Variants in NEBL observed in about 807,000 individuals in gnomAD.
The protein encoded by NEBL is nebulette.
In NEBL, 122 loss-of-function variants were observed where a neutral mutation model predicts 140.2. The observed-to-expected ratio is 0.87, with a 90% CI of 0.75 to 1.01. The LOEUF is 1.01. Among genes scored for constraint, NEBL ranks in the 50% least tolerant of loss-of-function variants. The pLI, the probability that NEBL is intolerant of heterozygous loss-of-function variation, is 0.00. For synonymous variants in NEBL, 436 were observed against 398.9 expected (o/e 1.09, Z -1.11); for missense variants, 1,365 against 1,231.3 (o/e 1.11, Z -1.62).
chr10:20,994,143 G>GAAA (rs1837575114), intron 3 of NEBL, among the ~76,000 whole-genome samples: 8 of 152,316 alleles, frequency 5.3e-5, no homozygotes, highest in Non-Finnish European at 8.8e-5. Flanking sequence ...TTTCAGTTCA[G>GAAA]CCAGCTAAAT....
chr10:20,907,451 T>C (rs1156747229), intron 4 of NEBL, among the ~76,000 whole-genome samples: 1 of 152,176 alleles, frequency 6.6e-6, no homozygotes, highest in Non-Finnish European at 1.5e-5. Flanking sequence ...CATACTTATA[T>C]GACTGAATAA....
chr10:20,920,057 C>A (rs1456477332), intron 4 of NEBL, among the ~76,000 whole-genome samples: 1 of 152,114 alleles, frequency 6.6e-6, no homozygotes, highest in Non-Finnish European at 1.5e-5. Context: ...AGAGGACGCC[C>A]AAGCTTCTTA....
chr10:21,075,315 T>A (rs1475550024), intron 2 of NEBL, among the ~76,000 whole-genome samples: 1 of 152,156 alleles, frequency 6.6e-6, no homozygotes, highest in Non-Finnish European at 1.5e-5. Flanking sequence ...TTTGCTTCTT[T>A]AAAATGGCTG....
intron 4 of NEBL, among the ~76,000 whole-genome samples, chr10:20,916,802 G>T (rs1442739026): frequency 6.6e-6 from 1 of 152,152 alleles, no homozygotes; most frequent in Non-Finnish European, 1.5e-5. Context: ...AAGGCAATAG[G>T]CTATTTTATA....
chr10:20,882,591 GT>G (rs1188265216), intron 4 of NEBL, among the ~76,000 whole-genome samples: 1 of 152,150 alleles, frequency 6.6e-6, no homozygotes, highest in Non-Finnish European at 1.5e-5. Flanking sequence ...GAATAAATGA[GT>G]TTACTAAACA....
chr10:20,816,224 G>A (rs1838708119), intron 21 of NEBL, among the ~76,000 whole-genome samples: 2 of 152,154 alleles, frequency 1.3e-5, no homozygotes, highest in Non-Finnish European at 2.9e-5. Flanking sequence ...CACTGTGGAT[G>A]TACTCGAATA....
intron 2 of NEBL, among the ~76,000 whole-genome samples, chr10:21,099,912 C>G (rs943607467): frequency 1.3e-5 from 2 of 152,166 alleles, no homozygotes; most frequent in Non-Finnish European, 2.9e-5. Context: ...ACACTTATAA[C>G]TCAATAAGAA....
At chr10:21,124,332 T>A (rs1253145688) in intron 2 of NEBL, among the ~76,000 whole-genome samples, 1 of 152,222 alleles carries the variant, frequency 6.6e-6, no homozygotes, top group East Asian at 1.9e-4. Context: ...TTATGAGTTA[T>A]TAATGCAGGA....
chr10:21,029,468 A>G, intron 2 of NEBL: 3 of 1,611,660 alleles, frequency 1.9e-6, no homozygotes, highest in East Asian at 2.2e-5. Flanking sequence ...CTGAGTCTCA[A>G]TTAAGAGTCT....
At chr10:21,160,203 T>G (rs1840500638) in intron 2 of NEBL, among the ~76,000 whole-genome samples, 1 of 151,808 alleles carries the variant, frequency 6.6e-6, no homozygotes, top group Non-Finnish European at 1.5e-5. Flanking sequence ...AAAAAAAAAC[T>G]AATATGCTTT....
At chr10:21,270,251 A>G (rs929983570) in intron 1 of NEBL, among the ~76,000 whole-genome samples, 2 of 152,186 alleles carry the variant, frequency 1.3e-5, no homozygotes, top group Admixed American at 1.3e-4. Context: ...ATCGTAAACC[A>G]CAGAAGTTTC....
At chr10:21,008,769 G>A (rs1838227566) in intron 3 of NEBL, among the ~76,000 whole-genome samples, 1 of 152,080 alleles carries the variant, frequency 6.6e-6, no homozygotes, top group East Asian at 1.9e-4. Flanking sequence ...ATACACATAG[G>A]AAACAACAGT....
intron 3 of NEBL, among the ~76,000 whole-genome samples, chr10:20,969,907 C>CA (rs1446242629): frequency 6.6e-6 from 1 of 152,110 alleles, no homozygotes; most frequent in Non-Finnish European, 1.5e-5. Context: ...CTAAGACACT[C>CA]AAGTGTAGCT....
intron 2 of NEBL, among the ~76,000 whole-genome samples, chr10:21,073,999 C>T (rs1057483030): frequency 2.0e-5 from 3 of 151,294 alleles, no homozygotes; most frequent in South Asian, 2.1e-4. Flanking sequence ...GGCGTGAATC[C>T]GGGAGGTGGA....
At chr10:20,795,548 T>C (rs1836423112) in intron 26 of NEBL, among the ~76,000 whole-genome samples, 1 of 145,472 alleles carries the variant, frequency 6.9e-6, no homozygotes, top group Admixed American at 6.9e-5. Flanking sequence ...GGAGAGAGAG[T>C]GTGCGTGTGC....
chr10:21,283,303 C>T (rs993474089), intron 1 of NEBL, among the ~76,000 whole-genome samples: 4 of 152,136 alleles, frequency 2.6e-5, no homozygotes, highest in Non-Finnish European at 5.9e-5. Flanking sequence ...CCTATATGGT[C>T]TAAAAAGGGG....
chr10:20,883,603 C>T (rs1340536903), intron 4 of NEBL, among the ~76,000 whole-genome samples: 1 of 151,106 alleles, frequency 6.6e-6, no homozygotes, highest in Non-Finnish European at 1.5e-5. Context: ...AGATTTGCTC[C>T]TTCTTCTTAA....
At chr10:21,240,300 C>T (rs1254726702) in intron 3 of NEBL, among the ~76,000 whole-genome samples, 1 of 152,084 alleles carries the variant, frequency 6.6e-6, no homozygotes, top group East Asian at 1.9e-4. Context: ...AGATTCGTTG[C>T]ATGTAAGTAT....
intron 2 of NEBL, among the ~76,000 whole-genome samples, chr10:21,249,243 TTATTTA>T (rs887087171): frequency 5.3e-5 from 8 of 152,136 alleles, no homozygotes; most frequent in African/African-American, 1.9e-4. Flanking sequence ...ATCTTAGGAG[TTATTTA>T]TATATTCTGG....
Sources: gnomAD v4.1 joint callset for allele counts (sites outside exome capture counted in the v4.1 genomes callset) on GRCh38, gnomAD v4.1.1 for gene constraint, MANE v1.5 for transcripts, NCBI Gene and HGNC (gene_info 2026-07-23, HGNC 2026-07-21) for gene names.